G2E3: variants seen among roughly 807,000 people sequenced by gnomAD.
G2E3 encodes G2/M-phase specific E3 ubiquitin protein ligase.
G2E3 carries 35 observed loss-of-function variants against 92.8 expected under a neutral mutation model. The ratio of observed to expected loss-of-function variants is 0.38; its 90% CI spans 0.29 to 0.50. The LOEUF is 0.50. Among genes scored for constraint, G2E3 ranks in the 20% least tolerant of loss-of-function variants. G2E3 has a pLI of 0.94. For missense variants in G2E3, 554 were observed against 823.8 expected (o/e 0.67, Z 4.01); for synonymous variants, 242 against 272.4 (o/e 0.89, Z 1.10).
intron 1 of G2E3, chr14:30,559,910 C>T (rs1878988538): frequency 6.6e-6 from 1 of 152,184 alleles, no homozygotes; most frequent in African/African-American, 2.4e-5. Flanking sequence ...AAATCCGAGA[C>T]TCCTATTTAA....
At chr14:30,575,818 G>C (rs2138800498) in intron 1 of G2E3, among the ~76,000 whole-genome samples, 1 of 152,258 alleles carries the variant, frequency 6.6e-6, no homozygotes, top group African/African-American at 2.4e-5. Context: ...CAAGGGAGGT[G>C]AAAGATCTCT....
chr14:30,607,278 G>A (rs1009777726), intron 11 of G2E3, among the ~76,000 whole-genome samples: 2 of 152,024 alleles, frequency 1.3e-5, no homozygotes, highest in African/African-American at 4.8e-5. Context: ...TTAGTAACAG[G>A]GATATGTTCT....
At chr14:30,596,333 C>A (rs1881290094) in intron 6 of G2E3, among the ~76,000 whole-genome samples, 1 of 152,082 alleles carries the variant, frequency 6.6e-6, no homozygotes, top group South Asian at 2.1e-4. Flanking sequence ...TGGTAGGAGA[C>A]CACTAGTTGG....
chr14:30,582,357 A>G (rs886559826), intron 2 of G2E3, among the ~76,000 whole-genome samples: 4 of 152,232 alleles, frequency 2.6e-5, no homozygotes, highest in Non-Finnish European at 5.9e-5. Flanking sequence ...ACAAATGAAT[A>G]TAAAAATAAT....
intron 2 of G2E3, 104 bp from the exon 3 acceptor site, chr14:30,586,614 C>T (rs980239100): frequency 2.1e-6 from 1 of 483,498 alleles, no homozygotes; most frequent in African/African-American, 2.0e-5. Flanking sequence ...ATGATTTGCT[C>T]TCAGAAAGAA....
intron 7 of G2E3, chr14:30,598,042 A>C (rs1881374735): frequency 6.3e-6 from 1 of 159,010 alleles, no homozygotes; most frequent in Admixed American, 6.2e-5. Context: ...TCTTAAAGAG[A>C]ATCCTGAAAA....
chr14:30,615,428 C>A lies in G2E3; in HGVS notation c.1753C>A (p.His585Asn). 6.2e-7 allele frequency: 1 copy of A among 1,610,374 alleles called. No homozygotes were observed. Among genetic ancestry groups the A allele is most frequent in the South Asian group, 1.1e-5 (1 of 90,940 alleles). ...AGAAGCATTTTGTAGCATCCTGTGTCATAAACCTGAGAGTCTTTCTGCAAA... is the reference window on the plus strand; with the variant it reads ...AGAAGCATTTTGTAGCATCCTGTGTAATAAACCTGAGAGTCTTTCTGCAAA... ...YPEAFCSILC[H>N]KPESLSAKIL... Residue 585 changes from histidine to asparagine, a missense_variant, in exon 14 of 15, where the codon CAT (histidine) becomes AAT (asparagine). By Grantham distance (68) the His-to-Asn change is moderately conservative. This residue lies in a region of G2E3 where 397 missense variants were observed against 560.3 expected (regional missense o/e 0.71). Coordinates refer to ENST00000206595, the MANE Select transcript of G2E3 (RefSeq NM_017769.5).
intron 12 of G2E3, chr14:30,611,643 T>C (rs1332236700): frequency 6.6e-6 from 1 of 152,076 alleles, no homozygotes; most frequent in Non-Finnish European, 1.5e-5. Flanking sequence ...TAGTACTAGG[T>C]AACTTTTCTC....
chr14:30,608,348 C>A (rs931427392), intron 12 of G2E3, among the ~76,000 whole-genome samples: 11 of 152,174 alleles, frequency 7.2e-5, no homozygotes, highest in Non-Finnish European at 1.6e-4. Flanking sequence ...CTCAGAAATA[C>A]ATGGATTTGC....
chr14:30,571,956 A>AC (rs1180783204), intron 1 of G2E3, among the ~76,000 whole-genome samples: 2 of 151,444 alleles, frequency 1.3e-5, no homozygotes, highest in African/African-American at 4.9e-5. Context: ...AAAAAAAAAA[A>AC]AACCTGCTGG....
At chr14:30,585,345 G>A (rs758185812) in intron 2 of G2E3, among the ~76,000 whole-genome samples, 2 of 152,144 alleles carry the variant, frequency 1.3e-5, no homozygotes, top group Non-Finnish European at 2.9e-5. Context: ...ATGGTGTGAG[G>A]TAGGGGTTCA....
chr14:30,607,228 T>C (rs1184594346), intron 11 of G2E3, among the ~76,000 whole-genome samples: 1 of 148,372 alleles, frequency 6.7e-6, no homozygotes, highest in Non-Finnish European at 1.5e-5. Flanking sequence ...ACTTTTTATA[T>C]TTATATACAC....
At chr14:30,600,663 G>A (rs899883685) in intron 8 of G2E3, among the ~76,000 whole-genome samples, 6 of 152,154 alleles carry the variant, frequency 3.9e-5, no homozygotes, top group African/African-American at 1.4e-4. Context: ...CAAAGATATT[G>A]TCTATCTGAA....
At chr14:30,591,071 GGA>G (rs990556138) in intron 4 of G2E3, 18 of 182,296 alleles carry the variant, frequency 9.9e-5, no homozygotes, top group Non-Finnish European at 1.6e-4. Flanking sequence ...TTGGATTAAG[GGA>G]TATTCAACCT....
chr14:30,566,690 T>C (rs1646265036), intron 1 of G2E3, among the ~76,000 whole-genome samples: 1 of 152,210 alleles, frequency 6.6e-6, no homozygotes, highest in African/African-American at 2.4e-5. Context: ...AGTTACTTCT[T>C]GCTTTCTTGC....
At chr14:30,573,009 T>C (rs888415900) in intron 1 of G2E3, among the ~76,000 whole-genome samples, 31 of 151,778 alleles carry the variant, frequency 2.0e-4, no homozygotes, top group African/African-American at 7.0e-4. Flanking sequence ...TTTATGTACT[T>C]TTTTTTTGGA....
At chr14:30,562,310 G>T (rs1879148670) in intron 1 of G2E3, among the ~76,000 whole-genome samples, 1 of 151,966 alleles carries the variant, frequency 6.6e-6, no homozygotes, top group Non-Finnish European at 1.5e-5. Context: ...TTAATCATTA[G>T]TTTGTAGCAA....
chr14:30,596,490 C>T (rs1881298620), intron 6 of G2E3, among the ~76,000 whole-genome samples: 1 of 152,308 alleles, frequency 6.6e-6, no homozygotes, highest in Middle Eastern at 3.4e-3. Context: ...CACATTCTCT[C>T]TCTTGCCGGG....
At chr14:30,612,484 C>A in intron 13 of G2E3, 105 bp downstream of exon 13, 1 of 741,232 alleles carries the variant, frequency 1.3e-6, no homozygotes, top group Non-Finnish European at 2.2e-6. Context: ...ATGTTTTTCT[C>A]AGAAAAAAAT....
Sources: allele counts gnomAD v4.1 joint callset (sites outside exome capture counted in the v4.1 genomes callset), GRCh38; gene constraint gnomAD v4.1.1; regional missense constraint gnomAD v4.1.1; transcripts MANE v1.5; gene names NCBI Gene and HGNC (gene_info 2026-07-23, HGNC 2026-07-21).